CLASP2: variants seen among roughly 807,000 people sequenced by gnomAD.
The protein encoded by CLASP2 is cytoplasmic linker associated protein 2, also known as CLIP-associating protein 2.
A neutral mutation model predicts 194.4 loss-of-function variants in CLASP2; 47 were observed. The observed-to-expected ratio is 0.24, with a 90% confidence interval of 0.19 to 0.31. The LOEUF is 0.31. Ranked by LOEUF, CLASP2 falls within the 10% of genes least tolerant of loss-of-function variation. The probability of loss-of-function intolerance (pLI) is 1.00; values close to 1 mark genes in which losing one functional copy is unlikely to be tolerated. For missense variants in CLASP2, 1,445 were observed against 1,823.6 expected (o/e 0.79, Z 3.78); for synonymous variants, 619 against 633.5 (o/e 0.98, Z 0.34).
At chr3:33,627,882 T>C (rs1344509506) in intron 9 of CLASP2, among the ~76,000 whole-genome samples, 1 of 152,054 alleles carries the variant, frequency 6.6e-6, no homozygotes, top group Non-Finnish European at 1.5e-5. Context: ...GGAGAGTTAA[T>C]AGCATGTGCA....
At chr3:33,561,724 A>G (rs1375223104) in intron 27 of CLASP2, among the ~76,000 whole-genome samples, 2 of 152,172 alleles carry the variant, frequency 1.3e-5, no homozygotes, top group African/African-American at 2.4e-5. Flanking sequence ...GCTAATGTTT[A>G]TAAGTGATGT....
At chr3:33,600,034 G>A (rs9847537) in intron 18 of CLASP2, among the ~76,000 whole-genome samples, 3,871 of 151,792 alleles carry the variant, frequency 0.026, 164 homozygotes, top group African/African-American at 0.088. Flanking sequence ...ATTTTTCTTC[G>A]GTAAAAATAA....
intron 30 of CLASP2, 137 bp downstream of exon 30, chr3:33,551,115 T>TA (rs1168412943): frequency 1.5e-6 from 1 of 686,812 alleles, no homozygotes; most frequent in Non-Finnish European, 2.2e-6. Context: ...GAAACAATTT[T>TA]AAAGATTTTT....
chr3:33,682,835 G>A (rs1489971229), intron 6 of CLASP2: 1 of 152,154 alleles, frequency 6.6e-6, no homozygotes, highest in African/African-American at 2.4e-5. Context: ...AGGATAGATG[G>A]GACTTAATGG....
intron 34 of CLASP2, among the ~76,000 whole-genome samples, chr3:33,521,437 T>G (rs1469161922): frequency 6.6e-6 from 1 of 151,532 alleles, no homozygotes; most frequent in Non-Finnish European, 1.5e-5. Flanking sequence ...CTAGATAGGG[T>G]GCAATGAAAA....
At chr3:33,715,179 CAAAGT>C (rs2093233397) in intron 1 of CLASP2, among the ~76,000 whole-genome samples, 2 of 152,144 alleles carry the variant, frequency 1.3e-5, no homozygotes, top group Admixed American at 6.5e-5. Context: ...CTTGACCACC[CAAAGT>C]AGAGTCTCAT....
intron 23 of CLASP2, among the ~76,000 whole-genome samples, chr3:33,579,085 C>T (rs2065485806): frequency 6.6e-6 from 1 of 152,136 alleles, no homozygotes; most frequent in South Asian, 2.1e-4. Context: ...TTCATCCCTG[C>T]AAAACAAACA....
intron 29 of CLASP2, among the ~76,000 whole-genome samples, chr3:33,552,475 A>C (rs917186610): frequency 1.3e-5 from 2 of 152,146 alleles, no homozygotes; most frequent in African/African-American, 4.8e-5. Flanking sequence ...TGAAATATGT[A>C]TATTTGTGGA....
intron 10 of CLASP2, among the ~76,000 whole-genome samples, chr3:33,624,028 T>C (rs1379729209): frequency 1.3e-5 from 2 of 152,056 alleles, no homozygotes; most frequent in Non-Finnish European, 2.9e-5. Context: ...CCAGAGCAAC[T>C]AGACAAGAAA....
chr3:33,627,192 G>A (rs1458309545), intron 9 of CLASP2, 112 bp from the exon 10 acceptor site: 2 of 699,290 alleles, frequency 2.9e-6, no homozygotes, highest in Non-Finnish European at 5.2e-6. Flanking sequence ...TCCCATTCTA[G>A]CACCATTTCT....
intron 18 of CLASP2, among the ~76,000 whole-genome samples, chr3:33,599,093 GT>G (rs772601171): frequency 1.4e-5 from 2 of 147,142 alleles, no homozygotes; most frequent in African/African-American, 2.6e-5. Context: ...CTGCTAAGTA[GT>G]TGTTGTTGTC....
At chr3:33,598,226 C>T (rs1002354817) in intron 18 of CLASP2, among the ~76,000 whole-genome samples, 3 of 151,936 alleles carry the variant, frequency 2.0e-5, no homozygotes, top group East Asian at 3.9e-4. Context: ...AGTGCCCCAC[C>T]TCTTGTGTCT....
At position 33,592,436 on chromosome 3, in the gene CLASP2, G is replaced by C. The variant is rs780874039; in HGVS notation, c.2027C>G (p.Ser676Cys). The C allele has an allele frequency of 1.9e-6, 3 of 1,613,682 alleles. No homozygotes were observed. Among genetic ancestry groups the C allele is most frequent in the East Asian group, 2.2e-5 (1 of 44,884 alleles). ...CATTTTTGTTCGACTTCTTCCTCTA[G>C]AATCTGCCTTGGCATTTCCCATGCC... ...LAGMGNAKADSRGRSRTKMVS... is the reference protein window; with the variant it reads ...LAGMGNAKADCRGRSRTKMVS... Residue 676 changes from serine to cysteine, a missense_variant, in exon 21 of 39, where the codon TCT (serine) becomes TGT (cysteine). Transcript: ENST00000682230.
intron 37 of CLASP2, among the ~76,000 whole-genome samples, chr3:33,508,513 G>C (rs988081175): frequency 5.9e-5 from 9 of 151,992 alleles, no homozygotes; most frequent in African/African-American, 2.2e-4. Flanking sequence ...ATTTTTAGTA[G>C]ATATGGGGTT....
At chr3:33,575,865 G>A (rs1015986686) in intron 24 of CLASP2, among the ~76,000 whole-genome samples, 10 of 152,086 alleles carry the variant, frequency 6.6e-5, no homozygotes, top group Admixed American at 2.6e-4. Flanking sequence ...ATGATTTTAA[G>A]TGTACATATT....
At chr3:33,577,100 T>TA (rs1158349679) in intron 23 of CLASP2, 3 of 924,614 alleles carry the variant, frequency 3.2e-6, no homozygotes, top group Middle Eastern at 2.5e-4. Flanking sequence ...ATTTAAATAA[T>TA]AAAAAATCAA....
At chr3:33,522,493 G>A (rs1237905375) in intron 34 of CLASP2, among the ~76,000 whole-genome samples, 1 of 152,064 alleles carries the variant, frequency 6.6e-6, no homozygotes, top group Non-Finnish European at 1.5e-5. Flanking sequence ...CAAATATCCA[G>A]TTTTCAACAA....
rs142462767 is a variant in CLASP2, at chr3:33,665,061, A to C, written c.645-1546T>G. Among the ~76,000 whole-genome samples the C allele has an allele frequency of 2.6e-5, 4 of 151,950 alleles. No individual in the cohort carries two copies. The East Asian group carries it at 7.7e-4, about 29-fold the overall frequency. ...AGTTGCAGTGAGCCGAGATCCTGAC[A>C]CTGCACACTCCAGCCTGGGTGACAG... On this transcript the variant is annotated intron_variant, in intron 6 of 38. Coordinates refer to ENST00000682230, the MANE Select transcript of CLASP2 (RefSeq NM_001365631.1).
intron 16 of CLASP2, among the ~76,000 whole-genome samples, chr3:33,605,532 T>C (rs1186642598): frequency 3.3e-5 from 5 of 152,162 alleles, no homozygotes; most frequent in African/African-American, 7.2e-5. Flanking sequence ...GGTGCCTCAC[T>C]TGCCTCACCC....
Sources: allele counts gnomAD v4.1 joint callset (sites outside exome capture counted in the v4.1 genomes callset), GRCh38; gene constraint gnomAD v4.1.1; transcripts MANE v1.5; gene names NCBI Gene and HGNC (gene_info 2026-07-23, HGNC 2026-07-21).